DIS3L2: variants seen among roughly 807,000 people sequenced by gnomAD.
The protein encoded by DIS3L2 is DIS3 like 3'-5' exoribonuclease 2, also known as DIS3-like exonuclease 2.
In DIS3L2, 34 loss-of-function variants were observed where a neutral mutation model predicts 97.5. That is an observed-to-expected ratio of 0.35 (90% CI 0.27 to 0.46). DIS3L2 has a LOEUF of 0.46. DIS3L2 is among the 20% of genes least tolerant of loss of function. DIS3L2 has a pLI of 1.00. For synonymous variants in DIS3L2, 435 were observed against 445.2 expected (o/e 0.98, Z 0.29); for missense variants, 1,038 against 1,146.0 (o/e 0.91, Z 1.36).
chr2:232,294,770 A>G (rs1694684141), intron 13 of DIS3L2, among the ~76,000 whole-genome samples: 2 of 152,178 alleles, frequency 1.3e-5, no homozygotes, highest in Admixed American at 6.5e-5. Flanking sequence ...TGGGCCAAAT[A>G]CTTAATAAAC....
At chr2:232,096,337 C>T (rs750464244) in intron 6 of DIS3L2, among the ~76,000 whole-genome samples, 3 of 151,732 alleles carry the variant, frequency 2.0e-5, no homozygotes, top group Admixed American at 1.3e-4. Context: ...CTGCCCACCT[C>T]GGCCTCCCAA....
chr2:231,970,278 G>T (rs562391305), intron 1 of DIS3L2, among the ~76,000 whole-genome samples: 1 of 152,074 alleles, frequency 6.6e-6, no homozygotes, highest in Non-Finnish European at 1.5e-5. Context: ...GTGAAATATC[G>T]CATCGATTTT....
chr2:232,224,329 A>T (rs1692583152), intron 10 of DIS3L2, among the ~76,000 whole-genome samples: 1 of 152,206 alleles, frequency 6.6e-6, no homozygotes, highest in African/African-American at 2.4e-5. Context: ...CCCCTACTTT[A>T]TACCACACAT....
intron 1 of DIS3L2, among the ~76,000 whole-genome samples, chr2:231,966,465 A>G (rs1692718611): frequency 6.8e-6 from 1 of 147,324 alleles, no homozygotes; most frequent in Non-Finnish European, 1.5e-5. Context: ...CCACTGAGCC[A>G]CTGTGCCTGG....
intron 10 of DIS3L2, among the ~76,000 whole-genome samples, chr2:232,225,106 G>A (rs1185199801): frequency 6.6e-6 from 1 of 152,170 alleles, no homozygotes; most frequent in Non-Finnish European, 1.5e-5. Flanking sequence ...ATGTTAGGGA[G>A]GGTGTGGAGC....
At chr2:232,342,916 A>C (rs1278146533) in intron 13 of DIS3L2, among the ~76,000 whole-genome samples, 1 of 151,522 alleles carries the variant, frequency 6.6e-6, no homozygotes, top group South Asian at 2.1e-4. Context: ...AGTGTGCCCC[A>C]GCCCTTGCTG....
At chr2:232,205,866 T>TA (rs1409847110) in intron 9 of DIS3L2, among the ~76,000 whole-genome samples, 3 of 152,228 alleles carry the variant, frequency 2.0e-5, no homozygotes, top group Non-Finnish European at 4.4e-5. Flanking sequence ...GTCTGTAAGA[T>TA]ACAGATTGTC....
intron 13 of DIS3L2, among the ~76,000 whole-genome samples, chr2:232,278,922 C>G (rs1250484365): frequency 6.6e-6 from 1 of 152,100 alleles, no homozygotes; most frequent in African/African-American, 2.4e-5. Flanking sequence ...TTCTCATCAG[C>G]AATTTTTTGT....
chr2:231,966,156 ATTC>A (rs768488262), intron 1 of DIS3L2, among the ~76,000 whole-genome samples: 9 of 146,930 alleles, frequency 6.1e-5, no homozygotes, highest in African/African-American at 1.1e-4. Context: ...CTTGACCAGA[ATTC>A]TTCTTCTTCT....
At chr2:232,333,755 C>CGAAATACCA in intron 16 of DIS3L2, 85 bp from the exon 17 acceptor site, 29 of 1,488,950 alleles carry the variant, frequency 1.9e-5, no homozygotes, top group Admixed American at 1.4e-4. Context: ...TCGCTGCCGA[C>CGAAATACCA]GGTGAGGCTG....
At chr2:232,052,987 C>T (rs1695451243) in intron 5 of DIS3L2, among the ~76,000 whole-genome samples, 1 of 152,204 alleles carries the variant, frequency 6.6e-6, no homozygotes, top group African/African-American at 2.4e-5. Flanking sequence ...GTTAGGCACT[C>T]TTCTAGGGCT....
chr2:232,075,955 T>C (rs191751679), intron 5 of DIS3L2, among the ~76,000 whole-genome samples: 254 of 152,316 alleles, frequency 1.7e-3, no homozygotes, highest in Non-Finnish European at 3.1e-3. Flanking sequence ...GATAATGAAA[T>C]TGAGATTCAA....
intron 14 of DIS3L2, among the ~76,000 whole-genome samples, chr2:232,310,413 G>A (rs1695091964): frequency 6.6e-6 from 1 of 152,218 alleles, no homozygotes; most frequent in Non-Finnish European, 1.5e-5. Context: ...GCATGATGCA[G>A]GCACAACTCC....
At chr2:232,060,857 G>A (rs936635238) in intron 5 of DIS3L2, among the ~76,000 whole-genome samples, 2 of 151,960 alleles carry the variant, frequency 1.3e-5, no homozygotes, top group Non-Finnish European at 2.9e-5. Context: ...AATATTTATT[G>A]CAGATGTCTT....
At chr2:232,329,785 T>TCCCCGGGGGCGC in intron 14 of DIS3L2, 28 bp from the exon 15 acceptor site, 1 of 967,144 alleles carries the variant, frequency 1.0e-6, no homozygotes, top group Non-Finnish European at 1.5e-6. Flanking sequence ...ACCCCAGCGG[T>TCCCCGGGGGCGC]CCCTCCCATC....
intron 5 of DIS3L2, among the ~76,000 whole-genome samples, chr2:232,082,356 G>A (rs1238603265): frequency 1.3e-5 from 2 of 152,164 alleles, no homozygotes; most frequent in Admixed American, 6.5e-5. Context: ...ACTGGTCTGT[G>A]GCCTGTTAGG....
chr2:232,199,029 T>C (rs180896998), intron 9 of DIS3L2, among the ~76,000 whole-genome samples: 3 of 152,342 alleles, frequency 2.0e-5, no homozygotes, highest in Admixed American at 1.3e-4. Flanking sequence ...TGGAAATCTT[T>C]GTCTGTTCTC....
intron 14 of DIS3L2, among the ~76,000 whole-genome samples, chr2:232,319,372 C>T (rs879697273): frequency 6.6e-6 from 1 of 152,238 alleles, no homozygotes; most frequent in Admixed American, 6.5e-5. Flanking sequence ...AACAGCCAAA[C>T]ATGGCACATG....
At chr2:232,032,541 A>G (rs531273180) in intron 5 of DIS3L2, among the ~76,000 whole-genome samples, 6 of 152,132 alleles carry the variant, frequency 3.9e-5, no homozygotes, top group East Asian at 1.9e-4. Flanking sequence ...TTTTGTTGCA[A>G]TTGCTTTTTG....
Sources: allele counts gnomAD v4.1 joint callset (sites outside exome capture counted in the v4.1 genomes callset), GRCh38; gene constraint gnomAD v4.1.1; transcripts MANE v1.5; gene names NCBI Gene and HGNC (gene_info 2026-07-23, HGNC 2026-07-21).